The following NMRK1 variants were observed in gnomAD, a reference collection of about 807,000 sequenced individuals.
NMRK1 encodes the protein nicotinamide riboside kinase 1.
NMRK1 carries 28 observed loss-of-function variants against 29.9 expected under a neutral mutation model. The observed-to-expected ratio is 0.94, with a 90% CI of 0.69 to 1.28. The LOEUF is 1.28. Ranked by LOEUF, NMRK1 falls within the 50% of genes most tolerant of loss-of-function variation. The pLI, the probability that NMRK1 is intolerant of heterozygous loss-of-function variation, is 0.00. For synonymous variants in NMRK1, 58 were observed against 73.0 expected (o/e 0.79, Z 1.05); for missense variants, 218 against 233.1 (o/e 0.94, Z 0.42).
intron 2 of NMRK1, among the ~76,000 whole-genome samples, chr9:75,081,292 A>C (rs1441036489): frequency 6.6e-6 from 1 of 152,184 alleles, no homozygotes; most frequent in Admixed American, 6.5e-5. Flanking sequence ...AGCAGCACTA[A>C]AATGAAACTG....
intron 8 of NMRK1, among the ~76,000 whole-genome samples, chr9:75,063,288 A>G (rs1278637262): frequency 1.5e-5 from 2 of 136,396 alleles, no homozygotes; most frequent in East Asian, 4.4e-4. Flanking sequence ...CCTGGGCGAC[A>G]GAGCGAGACT....
rs751311420 is a variant in NMRK1 at position 75,069,006 on chromosome 9, T to C, written c.486A>G (p.Thr162=). The C allele has an allele frequency of 2.5e-6, 4 of 1,612,200 alleles. No individual in the cohort carries two copies. The highest frequency in any genetic ancestry group is 2.5e-6 in the Non-Finnish European group (3 of 1,178,216). The change falls in exon 7 of 9, where the codon ACA becomes ACG. Residue 162 remains threonine, a synonymous_variant. Transcript: ENST00000361092. ...LKYRQEMQDI[T]WEVVYLDGTK... is the part of the protein sequence containing the mutation. ...AGAAAAGGCACTTACCAACTTCCCA[T>C]GTGATGTCCTGCATTTCTTGTCTGT...
At chr9:75,080,575 C>T (rs887618633) in intron 2 of NMRK1, among the ~76,000 whole-genome samples, 3 of 152,168 alleles carry the variant, frequency 2.0e-5, no homozygotes, top group Admixed American at 6.5e-5. Flanking sequence ...TCGCTTGAAC[C>T]CAGGAGGCGG....
intron 4 of NMRK1, among the ~76,000 whole-genome samples, chr9:75,070,911 C>G (rs1385686249): frequency 6.6e-6 from 1 of 151,848 alleles, no homozygotes; most frequent in Admixed American, 6.6e-5. Context: ...CCTTTTATCT[C>G]TTTAATGTCT....
chr9:75,079,603 T>C (rs17060793), intron 2 of NMRK1, among the ~76,000 whole-genome samples: 9,713 of 152,066 alleles, frequency 0.064, 319 homozygotes, highest in East Asian at 0.097. Flanking sequence ...GTCTGAGATA[T>C]GGAGAGGAGA....
intron 4 of NMRK1, among the ~76,000 whole-genome samples, chr9:75,071,635 ACT>A (rs898647659): frequency 6.6e-6 from 1 of 151,992 alleles, no homozygotes; most frequent in Non-Finnish European, 1.5e-5. Context: ...GCAGGCAGTC[ACT>A]CTGTTCTGGT....
intron 2 of NMRK1, among the ~76,000 whole-genome samples, chr9:75,079,000 C>A (rs114706994): frequency 0.01 from 1,548 of 152,234 alleles, 31 homozygotes; most frequent in African/African-American, 0.035. Flanking sequence ...TTTCACCATA[C>A]CACCAAAATG....
chr9:75,080,981 A>G lies in NMRK1; in HGVS notation c.29+2106T>C, dbSNP rs546101668. Among the ~76,000 whole-genome samples, 3 of 152,334 alleles carry G rather than the reference A, an allele frequency of 2.0e-5. No homozygotes were observed. The East Asian group carries it at 5.8e-4, about 29-fold the overall frequency. Reference sequence around the variant, plus strand: ...GCCAAATAAACCTCCTTTTCTTTATAAATTACTAAGCTTCAGGCATTCCTT... The same window carrying G: ...GCCAAATAAACCTCCTTTTCTTTATGAATTACTAAGCTTCAGGCATTCCTT... On this transcript the variant is annotated intron_variant, in intron 2 of 8. Transcript: ENST00000361092.
rs1823374644 is a variant in NMRK1, at chr9:75,066,734, C to T, written c.580+23G>A. The T allele has an allele frequency of 3.8e-6, 5 of 1,329,488 alleles. No homozygotes were observed. In the South Asian group the frequency reaches 5.9e-5, roughly 16 times the overall value. 82.4% of individuals were successfully genotyped at this position (1,329,488 alleles called of 1,614,324 possible). On this transcript the variant is annotated intron_variant, in intron 8 of 8. Coordinates refer to ENST00000361092, the MANE Select transcript of NMRK1 (RefSeq NM_017881.3). ...TCCTGGCTGTTTCTCCTCTACCATC[C>T]ACTTTGTTAGCACAATACTTACACT...
intron 4 of NMRK1, among the ~76,000 whole-genome samples, chr9:75,071,605 A>T (rs1823701431): frequency 6.6e-6 from 1 of 152,062 alleles, no homozygotes; most frequent in Non-Finnish European, 1.5e-5. Context: ...GAGGCTGTAG[A>T]TCCTATTTAA....
At chr9:75,066,251 T>A (rs1407556360) in intron 8 of NMRK1, 1 of 518,668 alleles carries the variant, frequency 1.9e-6, no homozygotes, top group Non-Finnish European at 3.9e-6. Flanking sequence ...TGTAGCCATA[T>A]TTAGGCAGAT....
intron 6 of NMRK1, 87 bp downstream of exon 6, chr9:75,069,655 G>A (rs367585817): frequency 3.1e-4 from 301 of 985,286 alleles, no homozygotes; most frequent in African/African-American, 2.6e-3. Flanking sequence ...TGACGTATAC[G>A]CATTGCTCAA....
intron 1 of NMRK1, chr9:75,087,476 G>T (rs1824729124): frequency 6.6e-6 from 1 of 152,108 alleles, no homozygotes; most frequent in African/African-American, 2.4e-5. Context: ...TAATGCGAAA[G>T]CGGCCACAGA....
At chr9:75,073,016 C>T (rs1371680063) in intron 4 of NMRK1, among the ~76,000 whole-genome samples, 4 of 152,142 alleles carry the variant, frequency 2.6e-5, no homozygotes, top group South Asian at 2.1e-4. Flanking sequence ...GAATGCGTCC[C>T]CCTATGTTAA....
chr9:75,073,019 T>C (rs1391391043), intron 4 of NMRK1, among the ~76,000 whole-genome samples: 1 of 152,234 alleles, frequency 6.6e-6, no homozygotes, highest in Non-Finnish European at 1.5e-5. Context: ...TGCGTCCCCC[T>C]ATGTTAAAGT....
chr9:75,084,357 A>T (rs986775933), intron 1 of NMRK1, among the ~76,000 whole-genome samples: 1 of 152,238 alleles, frequency 6.6e-6, no homozygotes, highest in Non-Finnish European at 1.5e-5. Flanking sequence ...GGTTATGCAG[A>T]AAAAAGCCTG....
chr9:75,078,224 C>T, intron 2 of NMRK1: 1 of 1,500,290 alleles, frequency 6.7e-7, no homozygotes. Context: ...ATATGAGTAG[C>T]ACATTTTAGT....
chr9:75,067,880 A>G (rs1405615989), intron 7 of NMRK1, among the ~76,000 whole-genome samples: 1 of 152,134 alleles, frequency 6.6e-6, no homozygotes, highest in Non-Finnish European at 1.5e-5. Flanking sequence ...CTTTATTGTG[A>G]AAAGCATACA....
In NMRK1 at chr9:75,060,946, T is replaced by G. The variant is rs1205293259; in HGVS notation, c.*602A>C. 2 of 152,132 alleles carry G rather than the reference T, an allele frequency of 1.3e-5. No homozygotes were observed. The highest frequency in any genetic ancestry group is 2.9e-5 in the Non-Finnish European group (2 of 68,206). The allele number at this position is 152,132 out of a possible 1,614,324, so 9.4% of individuals were successfully genotyped here. A position where few individuals can be genotyped will look rare whatever the true frequency, so the allele number is the denominator to read the frequency against. On this transcript the variant is annotated 3_prime_UTR_variant, in exon 9 of 9. Coordinates refer to ENST00000361092, the MANE Select transcript of NMRK1 (RefSeq NM_017881.3). ...CTAGATCTTGTAGCGAATTGTTGAT[T>G]TATTCATTGTGACTGCAGCTCCTAG...
Sources: gnomAD v4.1 joint callset for allele counts (sites outside exome capture counted in the v4.1 genomes callset) on GRCh38, gnomAD v4.1.1 for gene constraint, MANE v1.5 for transcripts, NCBI Gene and HGNC (gene_info 2026-07-23, HGNC 2026-07-21) for gene names.